FUCA1: variants seen among roughly 807,000 people sequenced by gnomAD.
The protein encoded by FUCA1 is tissue alpha-L-fucosidase.
A neutral mutation model predicts 56.8 loss-of-function variants in FUCA1; 52 were observed. The observed-to-expected ratio is 0.92, with a 90% CI of 0.73 to 1.15. FUCA1 has a LOEUF of 1.15. FUCA1 is among the 50% of genes most tolerant of loss of function. The pLI is 0.00. For synonymous variants in FUCA1, 230 were observed against 226.6 expected (o/e 1.02, Z -0.14); for missense variants, 568 against 592.6 (o/e 0.96, Z 0.43).
chr1:23,850,817 G>A (rs1639239811), intron 5 of FUCA1, among the ~76,000 whole-genome samples: 1 of 151,968 alleles, frequency 6.6e-6, no homozygotes, highest in African/African-American at 2.4e-5. Flanking sequence ...TAGAGATGGG[G>A]TCTCACTATG....
At position 23,867,815 on chromosome 1, in the gene FUCA1, C is replaced by G; in HGVS notation, c.389+83G>C. ...GGGTCATGGGGGCGACCGGCAGCTG[C>G]GCGCCCCAGCTGGCCGCCCAGCCCC... On this transcript the variant is annotated intron_variant, in intron 1 of 7. Coordinates refer to ENST00000374479, the MANE Select transcript of FUCA1 (RefSeq NM_000147.5). The surrounding 1 kb of genome is among the most constrained non-coding windows in gnomAD (Gnocchi z 4.9). The G allele has an allele frequency of 6.9e-7, 1 of 1,452,268 alleles. No homozygotes were observed. The highest frequency in any genetic ancestry group is 9.0e-7 in the Non-Finnish European group (1 of 1,111,164). 90.0% of individuals were successfully genotyped at this position (1,452,268 alleles called of 1,614,324 possible). A position where few individuals can be genotyped will look rare whatever the true frequency, so the allele number is the denominator to read the frequency against.
chr1:23,863,004 C>A lies in FUCA1; in HGVS notation c.662+130G>T, dbSNP rs866036288. 5.1e-6 allele frequency: 5 copies of A among 989,356 alleles called. No individual in the cohort carries two copies. In the Middle Eastern group the frequency reaches 1.0e-3, roughly 204 times the overall value. The allele number at this position is 989,356 out of a possible 1,614,324, so 61.3% of individuals were successfully genotyped here. ...AACATATTTTGTCTTAATACAACCA[C>A]CACTTTTTATTATTTTGATGTCTTT... On this transcript the variant is annotated intron_variant, in intron 3 of 7. Coordinates refer to ENST00000374479, the MANE Select transcript of FUCA1 (RefSeq NM_000147.5).
In FUCA1 at chr1:23,845,849, T is replaced by C. The variant is rs1570670562; in HGVS notation, c.1267A>G (p.Met423Val). ...TTCAGATCTCCTTGAATTCCCAGCA[T>C]TGTTATCTGCAGAAAACAAAAGGGA... ...PITTSTTKIT[M>V]LGIQGDLKWS... is the part of the protein sequence containing the mutation. The change falls in exon 8 of 8, where the codon ATG (methionine) becomes GTG (valine). Residue 423 changes from methionine to valine, a missense_variant. Transcript: ENST00000374479. The C allele has an allele frequency of 8.1e-6, 13 of 1,614,150 alleles. No individual in the cohort carries two copies. The highest frequency in any genetic ancestry group is 2.2e-5 in the East Asian group (1 of 44,888).
At chr1:23,854,064 G>GAATAAATA (rs200301178) in intron 5 of FUCA1, among the ~76,000 whole-genome samples, 1 of 150,154 alleles carries the variant, frequency 6.7e-6, no homozygotes. Context: ...GATCAATAAA[G>GAATAAATA]AATAAATAAA....
Position 23,854,467 on chromosome 1 carries a change from AGCTCTGTG to A in FUCA1, c.854_861del (p.Pro285LeufsTer13). 6.2e-7 allele frequency: 1 copy of A among 1,614,132 alleles called. No homozygotes were observed. The highest frequency in any genetic ancestry group is 2.2e-5 in the East Asian group (1 of 44,882). The stretch of plus-strand genomic sequence containing the variant: ...CACATCTCCCACTTGTGATCTGGCA[AGCTCTGTG>A]GCTTGAATTTATCTTCACAGTTATA... On this transcript the variant is annotated frameshift_variant, in exon 5 of 8. Transcript: ENST00000374479. LOFTEE classifies it high-confidence loss of function.
chr1:23,857,707 G>C (rs994814067), intron 4 of FUCA1, among the ~76,000 whole-genome samples: 2 of 151,798 alleles, frequency 1.3e-5, no homozygotes, highest in African/African-American at 4.8e-5. Context: ...TCGCTCTGTT[G>C]CCCAGGCTGG....
chr1:23,866,022 C>A (rs1639617546), intron 1 of FUCA1, among the ~76,000 whole-genome samples: 1 of 152,114 alleles, frequency 6.6e-6, no homozygotes, highest in South Asian at 2.1e-4. Context: ...AAAACTAAGC[C>A]ATTTGCTGGC....
chr1:23,857,561 G>T (rs1457290899), intron 4 of FUCA1, among the ~76,000 whole-genome samples: 1 of 151,038 alleles, frequency 6.6e-6, no homozygotes, highest in Non-Finnish European at 1.5e-5. Flanking sequence ...ACAGTGGCAC[G>T]ATCTCTGCTC....
rs1639631234 is a variant in FUCA1, at chr1:23,866,715, G to C, written c.390-1090C>G. On this transcript the variant is annotated intron_variant, in intron 1 of 7. Coordinates refer to ENST00000374479, the MANE Select transcript of FUCA1 (RefSeq NM_000147.5). Reference sequence around the variant, plus strand: ...TCCCTCTGGCCAGTTTGCAGACCCTGGTGCAGTGGAAACAACCTTGACGTC... The same window carrying C: ...TCCCTCTGGCCAGTTTGCAGACCCTCGTGCAGTGGAAACAACCTTGACGTC... Among the ~76,000 whole-genome samples the C allele has an allele frequency of 5.9e-5, 9 of 152,268 alleles. No homozygotes were observed. The South Asian group carries it at 1.9e-3, about 32-fold the overall frequency.
intron 3 of FUCA1, among the ~76,000 whole-genome samples, chr1:23,861,062 A>G (rs12126122): frequency 0.99 from 150,510 of 151,750 alleles, 74,647 homozygotes; most frequent in Middle Eastern, 1. Flanking sequence ...AGTGGCTCAC[A>G]CCTGTAATCC....
rs1639652834 is a variant in FUCA1, at chr1:23,867,667, G to T, written c.389+231C>A. 1 of 959,360 alleles carries T rather than the reference G, an allele frequency of 1.0e-6. No homozygotes were observed. The highest frequency in any genetic ancestry group is 4.8e-5 in the South Asian group (1 of 20,732). The allele number at this position is 959,360 out of a possible 1,614,324, so 59.4% of individuals were successfully genotyped here. ...CGGTGCACAGGTGCAGATACCCAGG[G>T]CTTCCCAGCCTGCCATCTCCCTGAA... On this transcript the variant is annotated intron_variant, in intron 1 of 7. Transcript: ENST00000374479. This position sits in a 1 kb window ranked among gnomAD's most constrained non-coding sequence, Gnocchi z 4.9.
intron 3 of FUCA1, among the ~76,000 whole-genome samples, chr1:23,860,500 C>T (rs554213304): frequency 5.4e-5 from 8 of 148,334 alleles, no homozygotes; most frequent in South Asian, 2.2e-4. Context: ...AGGAGAATGG[C>T]GTGAACCTGG....
chr1:23,848,591 T>C, intron 6 of FUCA1, 58 bp downstream of exon 6: 1 of 1,525,006 alleles, frequency 6.6e-7, no homozygotes, highest in Non-Finnish European at 9.1e-7. Flanking sequence ...CCCAAGGAGA[T>C]ACCAGTTCCG....
intron 4 of FUCA1, among the ~76,000 whole-genome samples, chr1:23,858,888 TGAGTAGCTGGGACTACCTCCC>T (rs1366333883): frequency 6.6e-6 from 1 of 152,138 alleles, no homozygotes; most frequent in Non-Finnish European, 1.5e-5. Context: ...ATCAGCCTCC[TGAGTAGCTGGGACTACCTCCC>T]GAGTAGCTGG....
At chr1:23,846,478 C>T (rs1260681430) in intron 6 of FUCA1, among the ~76,000 whole-genome samples, 1 of 152,100 alleles carries the variant, frequency 6.6e-6, no homozygotes, top group East Asian at 1.9e-4. Context: ...GCTATGTTGA[C>T]CAGGCTGGTC....
rs754855849 is a variant in FUCA1, at chr1:23,865,620, A to G, written c.395T>C (p.Val132Ala). 1.9e-6 allele frequency: 3 copies of G among 1,614,236 alleles called. No homozygotes were observed. Among genetic ancestry groups the G allele is most frequent in the Non-Finnish European group, 2.5e-6 (3 of 1,180,042 alleles). ...TTCGTGATGCTTTGTCGTCAAAACTACATACCTGTGGACAGCAAAACCACA... is the reference window on the plus strand; with the variant it reads ...TTCGTGATGCTTTGTCGTCAAAACTGCATACCTGTGGACAGCAAAACCACA... ...DLFQAAGAKYVVLTTKHHEGF... is the reference protein window; with the variant it reads ...DLFQAAGAKYAVLTTKHHEGF... The change falls in exon 2 of 8, where the codon GTA (valine) becomes GCA (alanine). Residue 132 changes from valine (V) to alanine (A), a missense_variant. Val to Ala is a moderately conservative substitution (Grantham distance 64). Transcript: ENST00000374479.
chr1:23,846,214 G>A lies in FUCA1; in HGVS notation c.1161-41C>T, dbSNP rs1253891401. The A allele has an allele frequency of 4.1e-6, 5 of 1,234,190 alleles. No homozygotes were observed. The African/African-American group carries it at 7.4e-5, about 18-fold the overall frequency. 76.5% of individuals were successfully genotyped at this position (1,234,190 alleles called of 1,614,324 possible). A position where few individuals can be genotyped will look rare whatever the true frequency, so the allele number is the denominator to read the frequency against. On this transcript the variant is annotated intron_variant, in intron 6 of 7. Coordinates refer to ENST00000374479, the MANE Select transcript of FUCA1 (RefSeq NM_000147.5). ...CAACACTGTCAAAGATACCTGACTT[G>A]TTATCCTGATATACAACTTTATACA...
intron 1 of FUCA1, 123 bp from the exon 2 acceptor site, chr1:23,865,748 A>G (rs1008968741): frequency 2.8e-6 from 3 of 1,086,134 alleles, no homozygotes; most frequent in African/African-American, 3.1e-5. Context: ...TACTTGTACC[A>G]GTGACTATAT....
intron 1 of FUCA1, 59 bp from the exon 2 acceptor site, chr1:23,865,684 C>T: frequency 1.1e-5 from 18 of 1,599,700 alleles, no homozygotes; most frequent in Non-Finnish European, 1.5e-5. Flanking sequence ...CATGAACTTG[C>T]CCAGCATGCC....
Sources: gnomAD v4.1 joint callset for allele counts (sites outside exome capture counted in the v4.1 genomes callset) on GRCh38, gnomAD v4.1.1 for gene constraint, Gnocchi (gnomAD v3.1) non-coding constraint, MANE v1.5 for transcripts, NCBI Gene and HGNC (gene_info 2026-07-23, HGNC 2026-07-21) for gene names.